The following GNAL variants were observed in gnomAD, a reference collection of about 807,000 sequenced individuals.
GNAL encodes G protein subunit alpha L, also known as guanine nucleotide-binding protein G(olf) subunit alpha.
Under a neutral mutation model 55.1 loss-of-function variants are expected in GNAL, and 18 were observed. That is an observed-to-expected ratio of 0.33 (90% CI 0.23 to 0.48). The LOEUF is 0.48. Among genes scored for constraint, GNAL ranks in the 20% least tolerant of loss-of-function variants. The probability of loss-of-function intolerance (pLI) is 0.99; values close to 1 mark genes in which losing one functional copy is unlikely to be tolerated. For synonymous variants in GNAL, 253 were observed against 237.0 expected (o/e 1.07, Z -0.62); for missense variants, 412 against 614.1 (o/e 0.67, Z 3.48).
intron 4 of GNAL, among the ~76,000 whole-genome samples, chr18:11,812,494 G>T (rs2034841409): frequency 6.6e-6 from 1 of 152,050 alleles, no homozygotes. Context: ...TTGTATTTCT[G>T]GGCACTAGAA....
At chr18:11,761,021 T>C (rs2033223938) in intron 4 of GNAL, among the ~76,000 whole-genome samples, 1 of 152,340 alleles carries the variant, frequency 6.6e-6, no homozygotes, top group Admixed American at 6.5e-5. Context: ...AATCCTGCTC[T>C]GCTGGAGGAA....
In GNAL at chr18:11,858,337, A is replaced by T. The variant is rs535494156; in HGVS notation, c.723-4058A>T. Among the ~76,000 whole-genome samples the T allele has an allele frequency of 3.9e-5, 6 of 152,266 alleles. No individual in the cohort carries two copies. The South Asian group carries it at 1.0e-3, about 26-fold the overall frequency. On this transcript the variant is annotated intron_variant, in intron 5 of 11. Coordinates refer to ENST00000334049, the MANE Select transcript of GNAL (RefSeq NM_182978.4). ...AATGCAAGTGATTTTTTACAATGCTAATTTGGTATAGTTTTGCACCTCTGC... is the reference window on the plus strand; with the variant it reads ...AATGCAAGTGATTTTTTACAATGCTTATTTGGTATAGTTTTGCACCTCTGC...
chr18:11,885,464 C>T lies in GNAL; in HGVS notation c.*4329C>T, dbSNP rs2037065033. ...GTCCACCTGGACGGTGCCCTGCCCTCGCTTCTCACATTAACTGCCCAGGAA... is the reference window on the plus strand; with the variant it reads ...GTCCACCTGGACGGTGCCCTGCCCTTGCTTCTCACATTAACTGCCCAGGAA... On this transcript the variant is annotated 3_prime_UTR_variant, in exon 12 of 12. Coordinates refer to ENST00000334049, the MANE Select transcript of GNAL (RefSeq NM_182978.4). 1.9e-5 allele frequency: 11 copies of T among 593,524 alleles called. No individual in the cohort carries two copies. The highest frequency in any genetic ancestry group is 2.6e-5 in the Non-Finnish European group (9 of 340,640). 36.8% of individuals were successfully genotyped at this position (593,524 alleles called of 1,614,324 possible). A position where few individuals can be genotyped will look rare whatever the true frequency, so the allele number is the denominator to read the frequency against.
intron 5 of GNAL, chr18:11,851,435 G>A (rs1457913880): frequency 2.1e-6 from 3 of 1,442,282 alleles, no homozygotes; most frequent in East Asian, 2.5e-5. Context: ...GCGGCGGCCG[G>A]GAGCGGACTT....
intron 5 of GNAL, among the ~76,000 whole-genome samples, chr18:11,851,050 G>T (rs1050328584): frequency 1.3e-5 from 2 of 152,324 alleles, no homozygotes; most frequent in Admixed American, 1.3e-4. Context: ...TTTTTAGCCC[G>T]CTAGCCAGTC....
At chr18:11,844,680 C>T (rs901660476) in intron 5 of GNAL, among the ~76,000 whole-genome samples, 1 of 152,122 alleles carries the variant, frequency 6.6e-6, no homozygotes, top group Non-Finnish European at 1.5e-5. Flanking sequence ...CCCTCCACCA[C>T]CATCTACCAA....
At chr18:11,742,510 G>T (rs9955453) in intron 1 of GNAL, among the ~76,000 whole-genome samples, 79 of 152,322 alleles carry the variant, frequency 5.2e-4, no homozygotes, top group African/African-American at 1.9e-3. Flanking sequence ...TTCTTGTTCG[G>T]CATCCGCTAT....
At chr18:11,769,778 G>A (rs2033575965) in intron 4 of GNAL, among the ~76,000 whole-genome samples, 2 of 152,154 alleles carry the variant, frequency 1.3e-5, no homozygotes, top group South Asian at 4.1e-4. Flanking sequence ...CCAAGTGGAG[G>A]TAAAATGATC....
At chr18:11,766,361 G>A (rs1362225511) in intron 4 of GNAL, among the ~76,000 whole-genome samples, 6 of 152,138 alleles carry the variant, frequency 3.9e-5, no homozygotes, top group Non-Finnish European at 7.4e-5. Context: ...ACTACACAAA[G>A]CAATTCCATT....
chr18:11,796,798 T>C (rs1029224464), intron 4 of GNAL, among the ~76,000 whole-genome samples: 1 of 152,206 alleles, frequency 6.6e-6, no homozygotes, highest in African/African-American at 2.4e-5. Flanking sequence ...CAACCTGATT[T>C]TTAATGGCTA....
rs549087130 is a variant in GNAL at position 11,755,422 on chromosome 18, C to T, written c.624+1477C>T. 1.4e-3 allele frequency among the ~76,000 whole-genome samples: 215 copies of T among 152,116 alleles called. 1 individual carries two copies. The highest frequency in any genetic ancestry group is 5.0e-3 in the South Asian group (24 of 4,814). ...CCTAGTAGCTGGGACTACAGGCGCC[C>T]GCCACCTCACCCGGCTAATGTTTTT... is the stretch of plus-strand genomic sequence containing the variant. On this transcript the variant is annotated intron_variant, in intron 4 of 11. Transcript: ENST00000334049.
At position 11,689,663 on chromosome 18, in the gene GNAL, C is replaced by T. The variant is rs2031170197; in HGVS notation, c.100C>T (p.Pro34Ser). The change falls in exon 1 of 12, where the codon CCG (proline) becomes TCG (serine). Residue 34 changes from proline (P) to serine (S), a missense_variant. By Grantham distance (74) the Pro-to-Ser change is moderately conservative. Around this residue, in one of 5 missense-constraint regions of GNAL, gnomAD observed 228 missense variants for 194.8 expected, o/e 1.17. Transcript: ENST00000334049. ...EPPVEDAQPA[P>S]APALAPVRAA... ...GCCGGTGGAGGACGCGCAGCCCGCCCCGGCCCCGGCCCTGGCCCCAGTCCG... is the reference window on the plus strand; with the variant it reads ...GCCGGTGGAGGACGCGCAGCCCGCCTCGGCCCCGGCCCTGGCCCCAGTCCG... The T allele has an allele frequency of 2.8e-6, 4 of 1,422,726 alleles. No homozygotes were observed. Among genetic ancestry groups the T allele is most frequent in the Non-Finnish European group, 1.8e-6 (2 of 1,094,678 alleles). The allele number at this position is 1,422,726 out of a possible 1,614,324, so 88.1% of individuals were successfully genotyped here.
intron 4 of GNAL, among the ~76,000 whole-genome samples, chr18:11,815,040 T>A (rs2034919492): frequency 1.3e-5 from 2 of 152,132 alleles, no homozygotes. Flanking sequence ...GAAGAATAAG[T>A]TTGGGCATTC....
chr18:11,740,993 C>G lies in GNAL; in HGVS notation c.377-11860C>G, dbSNP rs182987041. Among the ~76,000 whole-genome samples the G allele has an allele frequency of 1.1e-4, 16 of 152,308 alleles. No homozygotes were observed. In the East Asian group the frequency reaches 2.7e-3, roughly 26 times the overall value. On this transcript the variant is annotated intron_variant, in intron 1 of 11. Coordinates refer to ENST00000334049, the MANE Select transcript of GNAL (RefSeq NM_182978.4). ...TTTATGTTATGTTTAATTGCATAGA[C>G]AATTCGATATTCTATTACAAGGAAT...
At chr18:11,697,874 C>T (rs968421929) in intron 1 of GNAL, among the ~76,000 whole-genome samples, 1 of 152,190 alleles carries the variant, frequency 6.6e-6, no homozygotes, top group African/African-American at 2.4e-5. Flanking sequence ...GGCTGGAGAG[C>T]AGCTGGGCAT....
intron 4 of GNAL, among the ~76,000 whole-genome samples, chr18:11,810,213 C>T (rs112083352): frequency 2.6e-4 from 39 of 152,238 alleles, no homozygotes; most frequent in African/African-American, 8.9e-4. Flanking sequence ...GACAACATAG[C>T]GAGAACCTGT....
At chr18:11,772,603 T>C (rs932877612) in intron 4 of GNAL, among the ~76,000 whole-genome samples, 2 of 152,194 alleles carry the variant, frequency 1.3e-5, no homozygotes, top group Admixed American at 6.5e-5. Context: ...AGACTTCCTC[T>C]ACAGATGAGC....
At chr18:11,795,883 T>C (rs531804122) in intron 4 of GNAL, among the ~76,000 whole-genome samples, 23 of 152,314 alleles carry the variant, frequency 1.5e-4, no homozygotes, top group African/African-American at 5.5e-4. Context: ...CAAGGAGAAA[T>C]GGCCTTGCCA....
rs2036808506 is a variant in GNAL at position 11,883,903 on chromosome 18, C to G, written c.*2768C>G. 1 of 152,266 alleles carries G rather than the reference C, an allele frequency of 6.6e-6. No individual in the cohort carries two copies. Among genetic ancestry groups the G allele is most frequent in the Admixed American group, 6.5e-5 (1 of 15,274 alleles). The allele number at this position is 152,266 out of a possible 1,614,324, so 9.4% of individuals were successfully genotyped here. ...ACGAGGTTTCACCATGTTGGCCAGG[C>G]TGGTCTTGAACTCCTGACCTCAAGT... On this transcript the variant is annotated 3_prime_UTR_variant, in exon 12 of 12. Transcript: ENST00000334049.
Sources: gnomAD v4.1 joint callset for allele counts (sites outside exome capture counted in the v4.1 genomes callset) on GRCh38, gnomAD v4.1.1 for gene constraint, gnomAD v4.1.1 regional missense constraint, MANE v1.5 for transcripts, NCBI Gene and HGNC (gene_info 2026-07-23, HGNC 2026-07-21) for gene names.